OR10J1: variants seen among roughly 807,000 people sequenced by gnomAD.
OR10J1 encodes olfactory receptor family 10 subfamily J member 1.
For synonymous variants in OR10J1, 202 were observed against 143.8 expected (o/e 1.40, Z -2.89); for missense variants, 474 against 376.6 (o/e 1.26, Z -2.14).
chr1:159,410,528 T>C, the OR10J1 span, among the ~76,000 whole-genome samples: 1 of 152,186 alleles, frequency 6.6e-6, no homozygotes, highest in African/African-American at 2.4e-5. Context: ...TGTATTTCTG[T>C]GGGATTGGTG....
At chr1:159,423,414 A>G in the OR10J1 span, among the ~76,000 whole-genome samples, 1 of 152,334 alleles carries the variant, frequency 6.6e-6, no homozygotes, top group East Asian at 1.9e-4. Context: ...ATATTTGTAT[A>G]GGGAACAGCC....
At chr1:159,400,166 G>A in the OR10J1 span, among the ~76,000 whole-genome samples, 1 of 151,906 alleles carries the variant, frequency 6.6e-6, no homozygotes, top group Admixed American at 6.6e-5. Flanking sequence ...GAGTAAGTGT[G>A]CACATGTACC....
At chr1:159,434,616 G>C (rs994703154), upstream of OR10J1, among the ~76,000 whole-genome samples, 8 of 152,142 alleles carry the variant, frequency 5.3e-5, no homozygotes, top group Non-Finnish European at 1.2e-4. Flanking sequence ...ATTGTAGATA[G>C]AGTACAGGCT....
chr1:159,405,720 A>G, the OR10J1 span: 1 of 757,996 alleles, frequency 1.3e-6, no homozygotes, highest in Non-Finnish European at 2.3e-6. Flanking sequence ...TGATGAGGTC[A>G]TAGGAGATAA....
At chr1:159,412,118 G>A in the OR10J1 span, among the ~76,000 whole-genome samples, 2 of 151,442 alleles carry the variant, frequency 1.3e-5, no homozygotes, top group Non-Finnish European at 3.0e-5. Context: ...TACTTAGGAA[G>A]CCATCTTACA....
At chr1:159,418,420 G>A in the OR10J1 span, among the ~76,000 whole-genome samples, 55 of 152,280 alleles carry the variant, frequency 3.6e-4, no homozygotes, top group South Asian at 0.011. Flanking sequence ...AGGGACCAAG[G>A]TACAGCTCAG....
Position 159,440,091 on chromosome 1 carries a change from G to A in OR10J1, c.300G>A (p.Gln100=), listed in dbSNP as rs1398734794. The change falls in exon 1 of 1, where the codon CAG becomes CAA. Residue 100 remains glutamine, a synonymous_variant. Transcript: ENST00000423932. ...TATCATTGGCAGGGTGTGCCACACAGATGTTCTTTTTTGTAACCTTTGGCA... is the reference window on the plus strand; with the variant it reads ...TATCATTGGCAGGGTGTGCCACACAAATGTTCTTTTTTGTAACCTTTGGCA... ...QPISLAGCAT[Q]MFFFVTFGIT... 5.0e-6 allele frequency: 8 copies of A among 1,614,122 alleles called. No individual in the cohort carries two copies. In the South Asian group the frequency reaches 8.8e-5, roughly 18 times the overall value.
At chr1:159,404,595 A>T in the OR10J1 span, among the ~76,000 whole-genome samples, 3 of 152,088 alleles carry the variant, frequency 2.0e-5, no homozygotes, top group Non-Finnish European at 4.4e-5. Context: ...TTCCCCTAAA[A>T]TGGGTAGACA....
At chr1:159,408,460 T>A in the OR10J1 span, among the ~76,000 whole-genome samples, 1 of 94,056 alleles carries the variant, frequency 1.1e-5, no homozygotes, top group Non-Finnish European at 2.1e-5. Context: ...CTCTGGGGAC[T>A]GTTGGGGGAT....
upstream of OR10J1, chr1:159,439,686 A>T: frequency 7.3e-7 from 1 of 1,372,696 alleles, no homozygotes; most frequent in South Asian, 1.3e-5. Flanking sequence ...CCAGATTTGT[A>T]ACTGAGAACT....
At chr1:159,434,380 T>C (rs1323546780), upstream of OR10J1, among the ~76,000 whole-genome samples, 1 of 152,242 alleles carries the variant, frequency 6.6e-6, no homozygotes, top group South Asian at 2.1e-4. Flanking sequence ...CATGATATCT[T>C]GGACTTTGGA....
At chr1:159,433,108 C>T, upstream of OR10J1, 2 of 435,476 alleles carry the variant, frequency 4.6e-6, no homozygotes, top group African/African-American at 4.0e-5. Flanking sequence ...ATGCCTTGCT[C>T]AGAGCTTTGG....
chr1:159,431,653 G>A, the OR10J1 span, among the ~76,000 whole-genome samples: 32 of 152,134 alleles, frequency 2.1e-4, no homozygotes, highest in African/African-American at 7.2e-4. Context: ...ATAATAGTGC[G>A]AGAGTGATAT....
chr1:159,439,595 A>G (rs1655843164), upstream of OR10J1: 1 of 663,426 alleles, frequency 1.5e-6, no homozygotes. Flanking sequence ...GAAAATTATA[A>G]CAGATGGTCA....
the OR10J1 span, among the ~76,000 whole-genome samples, chr1:159,411,189 A>C: frequency 6.6e-6 from 1 of 152,048 alleles, no homozygotes; most frequent in Non-Finnish European, 1.5e-5. Flanking sequence ...TTTGGGGTGG[A>C]GAGTTCTGTA....
At chr1:159,417,697 G>T in the OR10J1 span, among the ~76,000 whole-genome samples, 1 of 152,202 alleles carries the variant, frequency 6.6e-6, no homozygotes, top group Non-Finnish European at 1.5e-5. Flanking sequence ...GGAGTAGGGT[G>T]CTGCTGTATA....
At chr1:159,420,590 G>C in the OR10J1 span, among the ~76,000 whole-genome samples, 12 of 152,034 alleles carry the variant, frequency 7.9e-5, no homozygotes, top group Admixed American at 5.9e-4. Context: ...ATTTCTTGTG[G>C]GATCAGTCTA....
the OR10J1 span, among the ~76,000 whole-genome samples, chr1:159,421,784 A>C: frequency 6.6e-6 from 1 of 152,134 alleles, no homozygotes; most frequent in Non-Finnish European, 1.5e-5. Flanking sequence ...TGGTGATGGC[A>C]GTGGGATAAT....
upstream of OR10J1, among the ~76,000 whole-genome samples, chr1:159,436,628 A>G (rs2101704981): frequency 6.6e-6 from 1 of 151,846 alleles, no homozygotes; most frequent in East Asian, 1.9e-4. Context: ...AAGGAAAATC[A>G]CCAGAAAGAC....
Sources: allele counts gnomAD v4.1 joint callset (sites outside exome capture counted in the v4.1 genomes callset), GRCh38; gene constraint gnomAD v4.1.1; transcripts MANE v1.5; gene names NCBI Gene and HGNC (gene_info 2026-07-23, HGNC 2026-07-21).